CSMD3: variants seen among roughly 807,000 people sequenced by gnomAD.
CSMD3 encodes CUB and sushi domain-containing protein 3.
A neutral mutation model predicts 435.2 loss-of-function variants in CSMD3; 177 were observed. The ratio of observed to expected loss-of-function variants is 0.41; its 90% confidence interval spans 0.36 to 0.46. The LOEUF is 0.46. CSMD3 is among the 20% of genes least tolerant of loss of function. CSMD3 has a pLI of 0.34. For missense variants in CSMD3, 4,265 were observed against 4,504.6 expected (o/e 0.95, Z 1.52); for synonymous variants, 1,656 against 1,520.5 (o/e 1.09, Z -2.07).
At chr8:112,951,292 A>G (rs1352097599) in intron 8 of CSMD3, among the ~76,000 whole-genome samples, 1 of 151,800 alleles carries the variant, frequency 6.6e-6, no homozygotes, top group African/African-American at 2.4e-5. Flanking sequence ...TTGCATAGCA[A>G]CTTGCAGCAT....
chr8:112,311,149 G>T lies in CSMD3; in HGVS notation c.7714C>A (p.Pro2572Thr), dbSNP rs2130815272. The T allele has an allele frequency of 6.2e-7, 1 of 1,613,462 alleles. No individual in the cohort carries two copies. Among genetic ancestry groups the T allele is most frequent in the Non-Finnish European group, 8.5e-7 (1 of 1,179,590 alleles). ...IRYIAFYCST[P>T]ESPPHGYIIS... ...ATATATCCATGAGGTGGGGATTCTG[G>T]TGTACTACAGTAGAAAGCTTTTCAA... The change falls in exon 50 of 71, where the codon CCA (proline) becomes ACA (threonine). Residue 2572 changes from proline (P) to threonine (T), a missense_variant. By Grantham distance (38) the Pro-to-Thr change is conservative (BLOSUM62 -1). This residue lies in a region of CSMD3 where 3,255 missense variants were observed against 3,380.2 expected (regional missense o/e 0.96). Coordinates refer to ENST00000297405, the MANE Select transcript of CSMD3 (RefSeq NM_198123.2).
chr8:112,526,184 T>C (rs896092532), intron 27 of CSMD3, among the ~76,000 whole-genome samples: 7 of 151,756 alleles, frequency 4.6e-5, no homozygotes, highest in African/African-American at 1.2e-4. Flanking sequence ...TATTTTAAGA[T>C]ATTCAGTGGA....
chr8:113,009,440 T>G (rs2086175483), intron 6 of CSMD3, among the ~76,000 whole-genome samples: 1 of 151,800 alleles, frequency 6.6e-6, no homozygotes, highest in African/African-American at 2.4e-5. Flanking sequence ...GAAGAAAAAT[T>G]AATTCCTGGG....
At chr8:112,227,658 T>C (rs1270526001) in intron 70 of CSMD3, among the ~76,000 whole-genome samples, 2 of 152,180 alleles carry the variant, frequency 1.3e-5, no homozygotes, top group African/African-American at 4.8e-5. Context: ...TAAAATCTGA[T>C]ATTGACTAGA....
At chr8:112,460,321 T>C (rs951134237) in intron 32 of CSMD3, among the ~76,000 whole-genome samples, 1 of 152,042 alleles carries the variant, frequency 6.6e-6, no homozygotes, top group African/African-American at 2.4e-5. Context: ...AGGTTAGAAT[T>C]ATTTATAGCA....
At chr8:113,026,910 T>C (rs192983695) in intron 5 of CSMD3, among the ~76,000 whole-genome samples, 31 of 152,324 alleles carry the variant, frequency 2.0e-4, no homozygotes, top group Admixed American at 1.8e-3. Context: ...CTTGTTTATA[T>C]TATATAATCT....
chr8:112,487,644 AC>A (rs1820272736), intron 31 of CSMD3, among the ~76,000 whole-genome samples: 1 of 152,186 alleles, frequency 6.6e-6, no homozygotes, highest in Admixed American at 6.5e-5. Flanking sequence ...TATATGGAGA[AC>A]AAAGGAAGGA....
intron 22 of CSMD3, among the ~76,000 whole-genome samples, chr8:112,594,326 G>A (rs532106946): frequency 8.9e-4 from 136 of 152,246 alleles, no homozygotes; most frequent in African/African-American, 2.8e-3. Flanking sequence ...AAAAAACGGC[G>A]CACCACGAGA....
intron 5 of CSMD3, among the ~76,000 whole-genome samples, chr8:113,059,293 A>C (rs573898246): frequency 6.6e-6 from 1 of 152,278 alleles, no homozygotes; most frequent in East Asian, 1.9e-4. Flanking sequence ...TGAGACACTA[A>C]TCTAGCACCT....
chr8:112,711,596 TA>T (rs1175232380), intron 13 of CSMD3, among the ~76,000 whole-genome samples: 1 of 152,120 alleles, frequency 6.6e-6, no homozygotes, highest in Non-Finnish European at 1.5e-5. Context: ...TAGGCTTCAT[TA>T]AAAACCACAG....
intron 22 of CSMD3, among the ~76,000 whole-genome samples, chr8:112,618,221 T>C (rs1430413387): frequency 2.6e-5 from 4 of 152,120 alleles, no homozygotes; most frequent in South Asian, 2.1e-4. Context: ...AGAGTAGAAG[T>C]CTTTCACTTT....
intron 22 of CSMD3, among the ~76,000 whole-genome samples, chr8:112,587,863 A>C (rs1170356779): frequency 6.6e-6 from 1 of 151,904 alleles, no homozygotes; most frequent in Admixed American, 6.6e-5. Context: ...ATTAGACTAG[A>C]TTAAGGCATT....
At chr8:113,179,920 G>A (rs1006607538) in intron 3 of CSMD3, among the ~76,000 whole-genome samples, 1 of 151,678 alleles carries the variant, frequency 6.6e-6, no homozygotes, top group African/African-American at 2.4e-5. Context: ...GTTGCGAAAG[G>A]CAAAATGTTT....
In CSMD3 at chr8:113,286,706, T is replaced by TAAA. The variant is rs143953579; in HGVS notation, c.402-8005_402-8003dup. 8.1e-3 allele frequency among the ~76,000 whole-genome samples: 1,194 copies of TAAA among 146,916 alleles called. 14 individuals are homozygous for TAAA. The highest frequency in any genetic ancestry group is 0.028 in the African/African-American group (1,114 of 40,484). ...CACACATATACATTCTCTAAGAATGTAAAAAAAAAAGACTCTATTTATTTA... is the reference window on the plus strand; with the variant it reads ...CACACATATACATTCTCTAAGAATGTAAAAAAAAAAAAAGACTCTATTTATTTA... On this transcript the variant is annotated intron_variant, in intron 2 of 70. Coordinates refer to ENST00000297405, the MANE Select transcript of CSMD3 (RefSeq NM_198123.2).
intron 65 of CSMD3, among the ~76,000 whole-genome samples, chr8:112,243,453 C>T (rs1475935042): frequency 6.6e-6 from 1 of 152,080 alleles, no homozygotes; most frequent in African/African-American, 2.4e-5. Context: ...GGCATTATAA[C>T]CCTTTTCCAA....
chr8:113,061,471 C>T (rs1279204738), intron 5 of CSMD3, among the ~76,000 whole-genome samples: 1 of 151,928 alleles, frequency 6.6e-6, no homozygotes. Context: ...AAAGGAAAGG[C>T]ATTATGAGGC....
chr8:112,715,237 A>G (rs1053918141), intron 13 of CSMD3, among the ~76,000 whole-genome samples: 2 of 152,004 alleles, frequency 1.3e-5, no homozygotes, highest in East Asian at 3.9e-4. Context: ...ATGTCACAAT[A>G]AAAATGACAC....
intron 68 of CSMD3, among the ~76,000 whole-genome samples, chr8:112,232,777 T>C (rs977213768): frequency 2.6e-5 from 4 of 152,202 alleles, no homozygotes; most frequent in Admixed American, 2.6e-4. Context: ...TTTGAGCTTA[T>C]TTGAGAATCA....
chr8:112,972,928 T>A (rs1024439089), intron 7 of CSMD3, among the ~76,000 whole-genome samples: 1 of 151,970 alleles, frequency 6.6e-6, no homozygotes. Flanking sequence ...GGTAACAATT[T>A]AAGCTAAATC....
Sources: gnomAD v4.1 joint callset for allele counts (sites outside exome capture counted in the v4.1 genomes callset) on GRCh38, gnomAD v4.1.1 for gene constraint, gnomAD v4.1.1 regional missense constraint, MANE v1.5 for transcripts, NCBI Gene and HGNC (gene_info 2026-07-23, HGNC 2026-07-21) for gene names.